The following APELA variants were observed in gnomAD, a reference collection of about 807,000 sequenced individuals.
APELA encodes apelin receptor early endogenous ligand, also known as protein Elabela.
At chr4:164,883,484 C>CTTTTTTTTT (rs758157733) in intron 2 of APELA, among the ~76,000 whole-genome samples, 2 of 129,366 alleles carry the variant, frequency 1.5e-5, no homozygotes, top group African/African-American at 3.2e-5. Context: ...TCTAGTCTTT[C>CTTTTTTTTT]TTTTTCTTTT....
At chr4:164,880,306 T>C (rs1730632638) in intron 2 of APELA, among the ~76,000 whole-genome samples, 1 of 152,218 alleles carries the variant, frequency 6.6e-6, no homozygotes, top group Non-Finnish European at 1.5e-5. Flanking sequence ...AGCAATTTCA[T>C]AATAAACATT....
chr4:164,891,021 T>C (rs1344764668), intron 2 of APELA, among the ~76,000 whole-genome samples: 1 of 152,208 alleles, frequency 6.6e-6, no homozygotes, highest in East Asian at 1.9e-4. Context: ...TTTGTGTCTC[T>C]TTGGAGAAAT....
chr4:164,898,338 C>T (rs1206028164), downstream of APELA, among the ~76,000 whole-genome samples: 1 of 150,830 alleles, frequency 6.6e-6, no homozygotes, highest in African/African-American at 2.4e-5. Flanking sequence ...CCCATCTCTA[C>T]TAAAAATACA....
At position 164,878,188 on chromosome 4, in the gene APELA, A is replaced by G. The variant is rs942967735; in HGVS notation, c.77-732A>G. Among the ~76,000 whole-genome samples the G allele has an allele frequency of 2.1e-4, 20 of 93,440 alleles. No homozygotes were observed. The East Asian group carries it at 4.7e-3, about 22-fold the overall frequency. 61.3% of individuals were successfully genotyped at this position (93,440 alleles called of 152,430 possible). A position where few individuals can be genotyped will look rare whatever the true frequency, so the allele number is the denominator to read the frequency against. ...AGAAGAGAGAAAGAAAGAAAGAAAG[A>G]AACAGAAAAAAGAAAGAAAGAAAGA... On this transcript the variant is annotated intron_variant, in intron 1 of 2. Coordinates refer to ENST00000507152, the MANE Select transcript of APELA (RefSeq NM_001297550.2).
At chr4:164,886,863 T>TAGGCTGGAGTGTAGTGC (rs1730782785) in intron 2 of APELA, among the ~76,000 whole-genome samples, 1 of 152,004 alleles carries the variant, frequency 6.6e-6, no homozygotes, top group Non-Finnish European at 1.5e-5. Flanking sequence ...TCTTGTTGCC[T>TAGGCTGGAGTGTAGTGC]AGGCTGGAGT....
rs1364196320 is a variant in APELA, at chr4:164,897,409, C to G, written c.*1995C>G. 6.6e-6 allele frequency: 1 copy of G among 152,204 alleles called. No individual in the cohort carries two copies. The highest frequency in any genetic ancestry group is 1.5e-5 in the Non-Finnish European group (1 of 68,034). 9.4% of individuals were successfully genotyped at this position (152,204 alleles called of 1,614,324 possible). A position where few individuals can be genotyped will look rare whatever the true frequency, so the allele number is the denominator to read the frequency against. On this transcript the variant is annotated 3_prime_UTR_variant, in exon 3 of 3. Coordinates refer to ENST00000507152, the MANE Select transcript of APELA (RefSeq NM_001297550.2). ...ACATCTCATTCAATACAAGTCTAAA[C>G]TCTTTCAAATACAAATTCGCATATT...
At position 164,877,234 on chromosome 4, in the gene APELA, C is replaced by T. The variant is rs17045720; in HGVS notation, c.-98C>T. ...GCTGGCAGTTCTCTGAGGTTTGTCA[C>T]TAGAATGTGAAGACAGCCACACAGA... On this transcript the variant is annotated 5_prime_UTR_variant, in exon 1 of 3. Transcript: ENST00000507152. The T allele has an allele frequency of 0.023, 9,158 of 396,668 alleles. 601 individuals are homozygous for T. Among genetic ancestry groups the T allele is most frequent in the African/African-American group, 0.16 (7,661 of 48,582 alleles). The allele number at this position is 396,668 out of a possible 1,614,324, so 24.6% of individuals were successfully genotyped here.
intron 2 of APELA, among the ~76,000 whole-genome samples, chr4:164,882,546 G>A (rs1730673148): frequency 6.6e-6 from 1 of 151,910 alleles, no homozygotes. Flanking sequence ...TAATGACTAT[G>A]AATATATTTT....
intron 2 of APELA, among the ~76,000 whole-genome samples, chr4:164,885,730 G>T (rs1436105862): frequency 6.6e-6 from 1 of 150,912 alleles, no homozygotes; most frequent in Non-Finnish European, 1.5e-5. Context: ...GACAGAGTGA[G>T]ACCATGTCTC....
intron 1 of APELA, 87 bp downstream of exon 1, chr4:164,877,494 C>T (rs1165311705): frequency 2.5e-6 from 1 of 398,214 alleles, no homozygotes; most frequent in East Asian, 3.6e-5. Flanking sequence ...TATCTGAAAA[C>T]CACTTAGGTG....
At chr4:164,879,651 C>T (rs1256764926) in intron 2 of APELA, among the ~76,000 whole-genome samples, 4 of 152,138 alleles carry the variant, frequency 2.6e-5, no homozygotes, top group South Asian at 2.1e-4. Flanking sequence ...CCCCATTTTG[C>T]GCAGGCTGGT....
chr4:164,896,513 A>G lies in APELA; in HGVS notation c.*1099A>G, dbSNP rs2111073443. On this transcript the variant is annotated 3_prime_UTR_variant, in exon 3 of 3. Coordinates refer to ENST00000507152, the MANE Select transcript of APELA (RefSeq NM_001297550.2). ...CCCACTCAGGGTGATATCTGTATCT[A>G]AAAGATGAGTGCTCATCATCCTATT... 1 of 152,262 alleles carries G rather than the reference A, an allele frequency of 6.6e-6. No homozygotes were observed. The highest frequency in any genetic ancestry group is 2.1e-4 in the South Asian group (1 of 4,814). The allele number at this position is 152,262 out of a possible 1,614,324, so 9.4% of individuals were successfully genotyped here.
chr4:164,891,991 T>C (rs1270372955), intron 2 of APELA, among the ~76,000 whole-genome samples: 1 of 152,142 alleles, frequency 6.6e-6, no homozygotes, highest in East Asian at 1.9e-4. Context: ...ATGTTTGTTT[T>C]GGTCACCTTC....
chr4:164,893,676 G>A (rs1006547210), intron 2 of APELA, among the ~76,000 whole-genome samples: 4 of 151,944 alleles, frequency 2.6e-5, no homozygotes, highest in Non-Finnish European at 5.9e-5. Context: ...TCCATCCTTT[G>A]ACTTTCAATC....
At chr4:164,885,319 C>T (rs960777294) in intron 2 of APELA, among the ~76,000 whole-genome samples, 2 of 151,994 alleles carry the variant, frequency 1.3e-5, no homozygotes, top group African/African-American at 4.8e-5. Context: ...TTAGTAGAAA[C>T]GGGGTTTCAC....
chr4:164,878,717 A>G (rs1730603115), intron 1 of APELA, among the ~76,000 whole-genome samples: 1 of 152,230 alleles, frequency 6.6e-6, no homozygotes, highest in South Asian at 2.1e-4. Flanking sequence ...TAGGAGTAAA[A>G]GAAGATCTTG....
intron 2 of APELA, among the ~76,000 whole-genome samples, chr4:164,890,334 A>G (rs1021252670): frequency 9.9e-5 from 15 of 152,146 alleles, no homozygotes; most frequent in African/African-American, 3.4e-4. Context: ...AACCATCACC[A>G]TGATCAATTT....
At chr4:164,890,202 C>A (rs1730853073) in intron 2 of APELA, among the ~76,000 whole-genome samples, 1 of 152,128 alleles carries the variant, frequency 6.6e-6, no homozygotes, top group African/African-American at 2.4e-5. Context: ...GCAAAATACT[C>A]CTAGAAGTGG....
At chr4:164,883,514 A>C (rs1414973703) in intron 2 of APELA, among the ~76,000 whole-genome samples, 3 of 127,264 alleles carry the variant, frequency 2.4e-5, no homozygotes, top group Non-Finnish European at 4.7e-5. Flanking sequence ...TTGAGACAGG[A>C]TCTCATTCTG....
Sources: gnomAD v4.1 joint callset for allele counts (sites outside exome capture counted in the v4.1 genomes callset) on GRCh38, gnomAD v4.1.1 for gene constraint, MANE v1.5 for transcripts, NCBI Gene and HGNC (gene_info 2026-07-23, HGNC 2026-07-21) for gene names.